KDM3B: variants seen among roughly 807,000 people sequenced by gnomAD.
KDM3B encodes the protein lysine-specific demethylase 3B.
In KDM3B, 10 loss-of-function variants were observed where a neutral mutation model predicts 170.0. That is an observed-to-expected ratio of 0.06 (90% confidence interval 0.04 to 0.10). The LOEUF (loss-of-function observed/expected upper bound fraction) is 0.10. Among genes scored for constraint, KDM3B ranks in the 10% least tolerant of loss-of-function variants. The pLI is 1.00. For synonymous variants in KDM3B, 831 were observed against 834.8 expected (o/e 1.00, Z 0.08); for missense variants, 1,394 against 2,195.2 (o/e 0.64, Z 7.29).
intron 7 of KDM3B, among the ~76,000 whole-genome samples, chr5:138,387,298 T>C (rs1319982064): frequency 6.6e-6 from 1 of 152,198 alleles, no homozygotes; most frequent in Non-Finnish European, 1.5e-5. Flanking sequence ...ATCAGTATAA[T>C]ATATTCTTTT....
At chr5:138,418,908 TACCCAAG>T in intron 13 of KDM3B, 38 bp from the exon 14 acceptor site, 1 of 1,582,314 alleles carries the variant, frequency 6.3e-7, no homozygotes, top group South Asian at 1.1e-5. Flanking sequence ...TATTTTTTTC[TACCCAAG>T]CACAGCACTC....
chr5:138,363,863 T>G (rs1464021078), intron 1 of KDM3B, among the ~76,000 whole-genome samples: 1 of 152,056 alleles, frequency 6.6e-6, no homozygotes, highest in African/African-American at 2.4e-5. Context: ...GCATTTTTAA[T>G]TTTGAGTTTT....
intron 12 of KDM3B, 38 bp downstream of exon 12, chr5:138,415,277 GTT>G (rs1172310805): frequency 1.4e-6 from 2 of 1,413,686 alleles, no homozygotes; most frequent in Middle Eastern, 1.8e-4. Context: ...TGGAAGAAAT[GTT>G]TTTAGTTGAG....
chr5:138,379,531 T>A, intron 4 of KDM3B, 53 bp from the exon 5 acceptor site: 1 of 1,535,976 alleles, frequency 6.5e-7, no homozygotes, highest in Non-Finnish European at 8.8e-7. Context: ...TAGGAACAAT[T>A]ATGAAATATA....
chr5:138,418,206 A>G (rs962617680), intron 13 of KDM3B, among the ~76,000 whole-genome samples: 1 of 150,910 alleles, frequency 6.6e-6, no homozygotes, highest in African/African-American at 2.4e-5. Flanking sequence ...CAGCCTCCCA[A>G]GTTTCTGGGA....
chr5:138,355,372 C>G (rs1561751921), intron 1 of KDM3B, among the ~76,000 whole-genome samples: 1 of 152,190 alleles, frequency 6.6e-6, no homozygotes, highest in Non-Finnish European at 1.5e-5. Flanking sequence ...AAATACAGTA[C>G]TGATCCATTA....
chr5:138,383,911 T>C (rs1762187890), intron 6 of KDM3B, among the ~76,000 whole-genome samples: 1 of 149,764 alleles, frequency 6.7e-6, no homozygotes, highest in African/African-American at 2.5e-5. Flanking sequence ...GATTGTGCTA[T>C]TGCACTCCAG....
intron 23 of KDM3B, 96 bp downstream of exon 23, chr5:138,431,655 G>A (rs764999354): frequency 2.1e-4 from 241 of 1,155,430 alleles, no homozygotes; most frequent in Middle Eastern, 4.1e-4. Context: ...GGTATTCTCC[G>A]AAGGTCTAAT....
intron 23 of KDM3B, 125 bp downstream of exon 23, chr5:138,431,684 C>T (rs1763535268): frequency 1.1e-6 from 1 of 891,622 alleles, no homozygotes. Context: ...AGAAATGATG[C>T]AGGGAAGAAG....
intron 1 of KDM3B, among the ~76,000 whole-genome samples, chr5:138,368,429 T>C (rs945024995): frequency 1.3e-5 from 2 of 151,748 alleles, no homozygotes; most frequent in Middle Eastern, 6.3e-3. Flanking sequence ...AGAGACAGGA[T>C]CTTGCTATGT....
chr5:138,354,425 C>T (rs1226027630), intron 1 of KDM3B, among the ~76,000 whole-genome samples: 1 of 152,200 alleles, frequency 6.6e-6, no homozygotes, highest in African/African-American at 2.4e-5. Context: ...ATTCTACCAC[C>T]TTGGAGGCAA....
chr5:138,421,528 C>G (rs1227396695), intron 15 of KDM3B, among the ~76,000 whole-genome samples: 3 of 152,182 alleles, frequency 2.0e-5, no homozygotes, highest in African/African-American at 7.2e-5. Context: ...TTTTCATCAG[C>G]TCTGTTGCTT....
chr5:138,408,714 T>C (rs1369149712), intron 11 of KDM3B, among the ~76,000 whole-genome samples: 1 of 152,128 alleles, frequency 6.6e-6, no homozygotes, highest in East Asian at 1.9e-4. Context: ...ATAAAAAGAA[T>C]AATACATCAT....
chr5:138,403,651 TG>T (rs1762743629), intron 11 of KDM3B, among the ~76,000 whole-genome samples: 1 of 142,898 alleles, frequency 7.0e-6, no homozygotes, highest in Non-Finnish European at 1.5e-5. Context: ...CACTCCAGCC[TG>T]GGCAACAAGA....
At chr5:138,370,485 C>T (rs1240918670) in intron 1 of KDM3B, among the ~76,000 whole-genome samples, 1 of 151,858 alleles carries the variant, frequency 6.6e-6, no homozygotes, top group African/African-American at 2.4e-5. Flanking sequence ...TACTTGAGAA[C>T]ATGTATACAA....
intron 11 of KDM3B, 94 bp from the exon 12 acceptor site, chr5:138,415,038 A>G (rs1006839497): frequency 4.3e-6 from 3 of 702,942 alleles, no homozygotes; most frequent in Admixed American, 4.9e-5. Context: ...TTCAGCCATG[A>G]GAAAATTGGC....
intron 23 of KDM3B, among the ~76,000 whole-genome samples, chr5:138,433,114 CT>C (rs1199984013): frequency 2.4e-3 from 328 of 136,268 alleles, no homozygotes; most frequent in Middle Eastern, 8.1e-3. Context: ...CTTTTCCTTT[CT>C]TTTTTTTTTT....
chr5:138,435,863 G>A lies in KDM3B; in HGVS notation c.*163G>A. ...CTCTCTTCTACGCTGCCTCAACACTGAAGGTTGACACAGGAAAGTCGTACT... is the reference window on the plus strand; with the variant it reads ...CTCTCTTCTACGCTGCCTCAACACTAAAGGTTGACACAGGAAAGTCGTACT... On this transcript the variant is annotated 3_prime_UTR_variant, in exon 24 of 24. Transcript: ENST00000314358. 1 of 610,818 alleles carries A rather than the reference G, an allele frequency of 1.6e-6. No individual in the cohort carries two copies. Among genetic ancestry groups the A allele is most frequent in the Non-Finnish European group, 2.9e-6 (1 of 343,512 alleles). The allele number at this position is 610,818 out of a possible 1,614,324, so 37.8% of individuals were successfully genotyped here. A position where few individuals can be genotyped will look rare whatever the true frequency, so the allele number is the denominator to read the frequency against.
intron 19 of KDM3B, 25 bp downstream of exon 19, chr5:138,427,344 T>C (rs373570630): frequency 1.9e-6 from 3 of 1,595,308 alleles, no homozygotes; most frequent in South Asian, 2.2e-5. Flanking sequence ...CTAAAATTGC[T>C]CTTTTGGGGG....
Sources: gnomAD v4.1 joint callset for allele counts (sites outside exome capture counted in the v4.1 genomes callset) on GRCh38, gnomAD v4.1.1 for gene constraint, MANE v1.5 for transcripts, NCBI Gene and HGNC (gene_info 2026-07-23, HGNC 2026-07-21) for gene names.